The following RPS6KA2 variants were observed in gnomAD, a reference collection of about 807,000 sequenced individuals.
The protein encoded by RPS6KA2 is ribosomal protein S6 kinase A2, also known as ribosomal protein S6 kinase alpha-2.
A neutral mutation model predicts 91.8 loss-of-function variants in RPS6KA2; 42 were observed. The ratio of observed to expected loss-of-function variants is 0.46; its 90% CI spans 0.36 to 0.59. RPS6KA2 has a LOEUF of 0.59. RPS6KA2 is among the 20% of genes least tolerant of loss of function. The pLI is 0.00. For synonymous variants in RPS6KA2, 414 were observed against 393.6 expected (o/e 1.05, Z -0.61); for missense variants, 798 against 978.5 (o/e 0.82, Z 2.46).
chr6:166,638,140 A>G (rs9366035), intron 2 of RPS6KA2, among the ~76,000 whole-genome samples: 26,762 of 152,326 alleles, frequency 0.18, 2,464 homozygotes, highest in African/African-American at 0.22. Flanking sequence ...CCTATCAGAA[A>G]CAATCACAAA....
intron 2 of RPS6KA2, among the ~76,000 whole-genome samples, chr6:166,768,716 T>G (rs952494424): frequency 7.9e-5 from 12 of 152,210 alleles, no homozygotes; most frequent in African/African-American, 2.7e-4. Context: ...CCTTCCTACC[T>G]TTTCAGACTT....
intron 19 of RPS6KA2, among the ~76,000 whole-genome samples, chr6:166,415,327 TATAGTCATGACACTG>T (rs1778462468): frequency 6.6e-6 from 1 of 152,212 alleles, no homozygotes; most frequent in African/African-American, 2.4e-5. Flanking sequence ...TTCACGATCT[TATAGTCATGACACTG>T]AGAGAAGCAG....
chr6:166,466,753 CACTT>C (rs772811032), intron 11 of RPS6KA2, among the ~76,000 whole-genome samples: 52 of 152,232 alleles, frequency 3.4e-4, no homozygotes, highest in Non-Finnish European at 5.6e-4. Flanking sequence ...CTCATTCACT[CACTT>C]ATTCACTGAT....
At chr6:166,553,754 G>A (rs998460442) in intron 1 of RPS6KA2, among the ~76,000 whole-genome samples, 4 of 151,892 alleles carry the variant, frequency 2.6e-5, no homozygotes, top group Non-Finnish European at 5.9e-5. Flanking sequence ...AAACAGACTT[G>A]GCTAATTTCT....
rs1787704585 is a variant in RPS6KA2 at position 166,648,047 on chromosome 6, CAT to C, written c.124-109265_124-109264del. ...ATACATACACACATGCTCTCACACA[CAT>C]GCACATGCTCACACACATGCACACG... On this transcript the variant is annotated intron_variant, in intron 2 of 21. Transcript: ENST00000503859. The surrounding 1 kb of genome is among the most constrained non-coding windows in gnomAD (Gnocchi z 4.8). 2.0e-5 allele frequency among the ~76,000 whole-genome samples: 3 copies of C among 151,502 alleles called. No homozygotes were observed. The highest frequency in any genetic ancestry group is 6.6e-5 in the Admixed American group (1 of 15,186).
chr6:166,425,870 A>G (rs1463288573), intron 16 of RPS6KA2, among the ~76,000 whole-genome samples: 1 of 152,192 alleles, frequency 6.6e-6, no homozygotes, highest in East Asian at 1.9e-4. Context: ...TTAACACCCC[A>G]CTGTCAACAT....
rs981732506 is a variant in RPS6KA2, at chr6:166,767,377, C to A, written c.123+90823G>T. On this transcript the variant is annotated intron_variant, in intron 2 of 21. Transcript: ENST00000503859. This position sits in a 1 kb window ranked among gnomAD's most constrained non-coding sequence, Gnocchi z 4.6. Reference sequence around the variant, plus strand: ...TCTAACCAAGACCACAAAGGCCGCGCGGATCAATGTGCTCCAGATCAATGC... The same window carrying A: ...TCTAACCAAGACCACAAAGGCCGCGAGGATCAATGTGCTCCAGATCAATGC... 6.6e-6 allele frequency among the ~76,000 whole-genome samples: 1 copy of A among 152,186 alleles called. No homozygotes were observed. The highest frequency in any genetic ancestry group is 1.5e-5 in the Non-Finnish European group (1 of 68,036).
intron 1 of RPS6KA2, among the ~76,000 whole-genome samples, chr6:166,586,988 T>A (rs1785196288): frequency 2.0e-5 from 3 of 152,132 alleles, no homozygotes; most frequent in African/African-American, 7.2e-5. Context: ...ATGGTGTACC[T>A]TAAAGAAGCA....
chr6:166,502,933 T>G (rs1482066405), intron 6 of RPS6KA2, among the ~76,000 whole-genome samples: 1 of 152,150 alleles, frequency 6.6e-6, no homozygotes, highest in East Asian at 1.9e-4. Context: ...AAACCGGAAG[T>G]GTTTAGGATT....
In RPS6KA2 at chr6:166,681,693, C is replaced by G. The variant is rs916515268; in HGVS notation, c.124-142909G>C. On this transcript the variant is annotated intron_variant, in intron 2 of 21. Transcript: ENST00000503859. ...CTCCCTGGATCTCCCCCTGCCCGCC[C>G]CCCCCCCCGCCCCCGCCCAAGATCT... Among the ~76,000 whole-genome samples the G allele has an allele frequency of 1.0e-3, 68 of 66,946 alleles. 4 individuals are homozygous for G. In the East Asian group the frequency reaches 0.016, roughly 16 times the overall value. 43.9% of individuals were successfully genotyped at this position (66,946 alleles called of 152,430 possible). A position where few individuals can be genotyped will look rare whatever the true frequency, so the allele number is the denominator to read the frequency against.
intron 13 of RPS6KA2, among the ~76,000 whole-genome samples, chr6:166,450,283 C>T (rs1237357174): frequency 9.7e-5 from 14 of 145,076 alleles, no homozygotes; most frequent in Admixed American, 6.8e-4. Flanking sequence ...CGGGTACCAC[C>T]AGGGAACCAC....
intron 1 of RPS6KA2, among the ~76,000 whole-genome samples, chr6:166,597,442 G>A (rs1051527519): frequency 6.6e-6 from 1 of 152,236 alleles, no homozygotes; most frequent in Admixed American, 6.5e-5. Context: ...CACAGAGCTG[G>A]GGAAAAGGAC....
rs550374906 is a variant in RPS6KA2 at position 166,612,191 on chromosome 6, G to T, written c.99+14730C>A. On this transcript the variant is annotated intron_variant, in intron 1 of 20. Transcript: ENST00000265678. This position sits in a 1 kb window ranked among gnomAD's most constrained non-coding sequence, Gnocchi z 4.3. ...GGGCCAGGGAACTCACTGACCATCT[G>T]GGGGGGCTCTAGGAAAAGCCTGGAA... Among the ~76,000 whole-genome samples, 17 of 152,068 alleles carry T rather than the reference G, an allele frequency of 1.1e-4. No individual in the cohort carries two copies. The highest frequency in any genetic ancestry group is 3.9e-4 in the East Asian group (2 of 5,168).
intron 2 of RPS6KA2, among the ~76,000 whole-genome samples, chr6:166,656,495 G>A (rs1788006355): frequency 6.6e-6 from 1 of 152,266 alleles, no homozygotes; most frequent in South Asian, 2.1e-4. Context: ...CCACAGGCCT[G>A]TGCCTCCTGA....
At chr6:166,729,985 G>A (rs922341079) in intron 2 of RPS6KA2, among the ~76,000 whole-genome samples, 5 of 152,130 alleles carry the variant, frequency 3.3e-5, no homozygotes, top group African/African-American at 1.2e-4. Flanking sequence ...TTCGTAACTG[G>A]TCTAAAGAAA....
At position 166,742,043 on chromosome 6, in the gene RPS6KA2, G is replaced by A. The variant is rs146396428; in HGVS notation, c.123+116157C>T. Among the ~76,000 whole-genome samples, 22 of 152,294 alleles carry A rather than the reference G, an allele frequency of 1.4e-4. No individual in the cohort carries two copies. The East Asian group carries it at 3.3e-3, about 23-fold the overall frequency. On this transcript the variant is annotated intron_variant, in intron 2 of 21. Transcript: ENST00000503859. ...CTCAGAAGGCTGAGGCAGGAGAATC[G>A]CTTGAATTTGAGAGGCGGCTGTTGC...
intron 10 of RPS6KA2, among the ~76,000 whole-genome samples, chr6:166,480,477 T>TATATATATATATATATATATATATATATA (rs1347612534): frequency 6.8e-5 from 3 of 43,916 alleles, no homozygotes; most frequent in African/African-American, 1.2e-4. Context: ...AAGATTGTGA[T>TATATATATATATATATATATATATATATA]TTTATATATA....
intron 2 of RPS6KA2, among the ~76,000 whole-genome samples, chr6:166,723,779 C>A (rs548407686): frequency 1.3e-5 from 2 of 148,490 alleles, no homozygotes; most frequent in East Asian, 3.9e-4. Context: ...TGGCTCACTA[C>A]TACCTCTGCC....
chr6:166,443,377 C>A (rs944091236), intron 14 of RPS6KA2, among the ~76,000 whole-genome samples: 1 of 152,166 alleles, frequency 6.6e-6, no homozygotes, highest in Non-Finnish European at 1.5e-5. Flanking sequence ...GCACTCACAG[C>A]GTCCCTAGTG....
Sources: allele counts gnomAD v4.1 joint callset (sites outside exome capture counted in the v4.1 genomes callset), GRCh38; gene constraint gnomAD v4.1.1; non-coding constraint Gnocchi (gnomAD v3.1); transcripts MANE v1.5; gene names NCBI Gene and HGNC (gene_info 2026-07-23, HGNC 2026-07-21).